CPM: variants seen among roughly 807,000 people sequenced by gnomAD.
CPM encodes the protein renal carboxypeptidase.
Under a neutral mutation model 46.4 loss-of-function variants are expected in CPM, and 35 were observed. The ratio of observed to expected loss-of-function variants is 0.75; its 90% CI spans 0.58 to 1.00. CPM has a LOEUF of 1.00. CPM is among the 50% of genes least tolerant of loss of function. The pLI is 0.00. For missense variants in CPM, 422 were observed against 530.4 expected (o/e 0.80, Z 2.01); for synonymous variants, 195 against 195.3 (o/e 1.00, Z 0.01).
At chr12:68,932,236 C>G (rs1888541186) in intron 2 of CPM, among the ~76,000 whole-genome samples, 1 of 152,162 alleles carries the variant, frequency 6.6e-6, no homozygotes, top group African/African-American at 2.4e-5. Flanking sequence ...ACACAGAAAT[C>G]TTACCAACAA....
chr12:68,923,667 A>G (rs914960833), intron 2 of CPM, among the ~76,000 whole-genome samples: 5 of 152,266 alleles, frequency 3.3e-5, no homozygotes, highest in African/African-American at 7.2e-5. Flanking sequence ...TGCAATTTAC[A>G]TAAGATATGG....
intron 1 of CPM, among the ~76,000 whole-genome samples, chr12:68,947,528 C>T (rs762790967): frequency 2.6e-5 from 4 of 151,052 alleles, no homozygotes; most frequent in East Asian, 3.9e-4. Flanking sequence ...ACCTGGGAGG[C>T]GGAGCTTGCA....
intron 1 of CPM, among the ~76,000 whole-genome samples, chr12:68,943,880 T>A (rs7966547): frequency 0.17 from 26,274 of 151,714 alleles, 2,362 homozygotes; most frequent in Middle Eastern, 0.22. Context: ...TTTTTTTTTT[T>A]AAAAACTGTA....
At chr12:68,884,675 CAA>C (rs1886354662) in intron 3 of CPM, among the ~76,000 whole-genome samples, 1 of 152,196 alleles carries the variant, frequency 6.6e-6, no homozygotes, top group South Asian at 2.1e-4. Context: ...CATTCCTGTG[CAA>C]AGTTTCCTTA....
intron 1 of CPM, among the ~76,000 whole-genome samples, chr12:68,961,682 G>A (rs1027929405): frequency 6.6e-6 from 1 of 152,102 alleles, no homozygotes; most frequent in Non-Finnish European, 1.5e-5. Flanking sequence ...GGGAGGCAGA[G>A]GCAGGTGGAT....
At position 68,932,832 on chromosome 12, in the gene CPM, G is replaced by C. The variant is rs765398939; in HGVS notation, c.6C>G (p.Asp2Glu). Residue 2 changes from aspartate (D) to glutamate (E), a missense_variant, in exon 2 of 9, where the codon GAC becomes GAG. Transcript: ENST00000551568. Reference protein sequence around the residue: MDFPCLWLGLLL... With the variant: MEFPCLWLGLLL... The stretch of plus-strand genomic sequence containing the variant: ...ACAGCCCTAGCCAGAGGCACGGGAA[G>C]TCCATGTTCTAGAGATGAATAAAAA... The C allele has an allele frequency of 6.8e-6, 11 of 1,614,098 alleles. No individual in the cohort carries two copies. Among genetic ancestry groups the C allele is most frequent in the Non-Finnish European group, 9.3e-6 (11 of 1,179,996 alleles).
chr12:68,927,326 AT>A (rs1257514927), intron 2 of CPM, among the ~76,000 whole-genome samples: 1 of 149,846 alleles, frequency 6.7e-6, no homozygotes, highest in East Asian at 1.9e-4. Flanking sequence ...GATGGTGAGC[AT>A]TTTTTCATGT....
chr12:68,910,350 AGT>A (rs1341671801), intron 2 of CPM, among the ~76,000 whole-genome samples: 5 of 152,214 alleles, frequency 3.3e-5, no homozygotes, highest in Non-Finnish European at 5.9e-5. Flanking sequence ...CATTTACAAG[AGT>A]GTTACTCATA....
chr12:68,908,693 A>T (rs1458901803), intron 2 of CPM, among the ~76,000 whole-genome samples: 1 of 152,228 alleles, frequency 6.6e-6, no homozygotes, highest in African/African-American at 2.4e-5. Context: ...AGGGTATAGA[A>T]TATATTTATG....
downstream of CPM, chr12:68,850,409 T>A (rs889627858): frequency 6.6e-6 from 1 of 152,252 alleles, no homozygotes; most frequent in African/African-American, 2.4e-5. Flanking sequence ...ATTTCCTGTT[T>A]ATTTTCTAAA....
intron 2 of CPM, among the ~76,000 whole-genome samples, chr12:68,914,228 C>CA (rs1887715763): frequency 6.6e-6 from 1 of 152,166 alleles, no homozygotes; most frequent in Admixed American, 6.5e-5. Context: ...AGCACAAGGC[C>CA]AGTCATTAGA....
intron 2 of CPM, among the ~76,000 whole-genome samples, chr12:68,918,296 A>T (rs1887892955): frequency 6.6e-6 from 1 of 151,908 alleles, no homozygotes; most frequent in Admixed American, 6.6e-5. Context: ...CTCTTGCTAG[A>T]TTATTTTATT....
chr12:68,922,614 C>A (rs1440229476), intron 2 of CPM, among the ~76,000 whole-genome samples: 4 of 123,068 alleles, frequency 3.3e-5, no homozygotes, highest in African/African-American at 1.3e-4. Flanking sequence ...TTGAAGTTGG[C>A]AGCATTTTTT....
At chr12:68,959,620 G>T (rs1889079511) in intron 1 of CPM, among the ~76,000 whole-genome samples, 1 of 152,240 alleles carries the variant, frequency 6.6e-6, no homozygotes, top group East Asian at 1.9e-4. Flanking sequence ...GACAGATGTG[G>T]GTGAAACATC....
At chr12:68,958,231 G>A (rs1055521562) in intron 1 of CPM, among the ~76,000 whole-genome samples, 21 of 152,178 alleles carry the variant, frequency 1.4e-4, no homozygotes, top group African/African-American at 5.1e-4. Flanking sequence ...TGGGTCAAAT[G>A]GTACTTCTAG....
intron 6 of CPM, 79 bp from the exon 7 acceptor site, chr12:68,867,127 G>C: frequency 7.4e-7 from 1 of 1,353,004 alleles, no homozygotes; most frequent in East Asian, 2.3e-5. Context: ...GGGGACAAAT[G>C]AATCAGACAG....
At chr12:68,888,779 A>G (rs142732346) in intron 2 of CPM, among the ~76,000 whole-genome samples, 1 of 152,342 alleles carries the variant, frequency 6.6e-6, no homozygotes, top group Non-Finnish European at 1.5e-5. Flanking sequence ...CAGTATTTAT[A>G]TTCAGCAACT....
At chr12:68,884,105 C>T (rs1185843075) in intron 3 of CPM, among the ~76,000 whole-genome samples, 1 of 88,506 alleles carries the variant, frequency 1.1e-5, no homozygotes, top group South Asian at 4.3e-4. Flanking sequence ...AGCGAAATTC[C>T]ATCGGAAAAA....
chr12:68,934,644 G>A (rs1310502557), upstream of CPM, among the ~76,000 whole-genome samples: 1 of 151,688 alleles, frequency 6.6e-6, no homozygotes, highest in African/African-American at 2.4e-5. Flanking sequence ...ATGTGCCCTA[G>A]AACTTAAAGT....
Sources: allele counts gnomAD v4.1 joint callset (sites outside exome capture counted in the v4.1 genomes callset), GRCh38; gene constraint gnomAD v4.1.1; transcripts MANE v1.5; gene names NCBI Gene and HGNC (gene_info 2026-07-23, HGNC 2026-07-21).